The following GSE1 variants were observed in gnomAD, a reference collection of about 807,000 sequenced individuals.
GSE1 encodes genetic suppressor element 1.
In GSE1, 32 loss-of-function variants were observed where a neutral mutation model predicts 112.6. The ratio of observed to expected loss-of-function variants is 0.28; its 90% CI spans 0.21 to 0.38. GSE1 has a LOEUF of 0.38. Ranked by LOEUF, GSE1 falls within the 10% of genes least tolerant of loss-of-function variation. GSE1 has a pLI of 1.00. For synonymous variants in GSE1, 1,115 were observed against 735.6 expected, an observed-to-expected ratio of 1.52 and a Z score of -8.35; for missense variants, 2,348 against 1,699.2, an observed-to-expected ratio of 1.38 and a Z score of -6.71.
At chr16:85,279,069 C>T (rs2044777155) in intron 1 of GSE1, 1 of 152,274 alleles carries the variant, frequency 6.6e-6, no homozygotes, top group Admixed American at 6.5e-5. Context: ...GGGACATCAA[C>T]CTCAACACCA....
At chr16:85,590,250 C>T (rs979211497) in intron 1 of GSE1, among the ~76,000 whole-genome samples, 16 of 149,826 alleles carry the variant, frequency 1.1e-4, no homozygotes, top group Non-Finnish European at 1.6e-4. Flanking sequence ...ACGTGTGGGC[C>T]CGCGTGTGAA....
At chr16:85,392,982 G>T (rs115793883) in intron 2 of GSE1, among the ~76,000 whole-genome samples, 5,496 of 152,282 alleles carry the variant, frequency 0.036, 351 homozygotes, top group African/African-American at 0.13. Context: ...CTTTGGGCTC[G>T]GCCTCCTCCC....
intron 1 of GSE1, among the ~76,000 whole-genome samples, chr16:85,588,887 G>A (rs2046833722): frequency 6.6e-6 from 1 of 152,122 alleles, no homozygotes; most frequent in Non-Finnish European, 1.5e-5. Flanking sequence ...GGGGGCAGCT[G>A]TGCGCACAGC....
At chr16:85,361,607 C>T (rs1246855428) in intron 2 of GSE1, among the ~76,000 whole-genome samples, 2 of 152,188 alleles carry the variant, frequency 1.3e-5, no homozygotes, top group Non-Finnish European at 2.9e-5. Context: ...GGGCAGGTGG[C>T]GCGACTGTAA....
At position 85,413,112 on chromosome 16, in the gene GSE1, G is replaced by A. The variant is rs369198097; in HGVS notation, c.2464+55469G>A. On this transcript the variant is annotated intron_variant, in intron 2 of 2. Transcript: ENST00000637419. ...CTTGTCTCTTGGCTGTTTCCAGGCC[G>A]AGCGCCCTTTTCCATTTTGAAGCCT... 3.3e-5 allele frequency among the ~76,000 whole-genome samples: 5 copies of A among 152,286 alleles called. No individual in the cohort carries two copies. In the South Asian group the frequency reaches 6.2e-4, roughly 19 times the overall value.
chr16:85,296,535 A>T (rs1349127724), intron 1 of GSE1, among the ~76,000 whole-genome samples: 1 of 152,202 alleles, frequency 6.6e-6, no homozygotes, highest in Non-Finnish European at 1.5e-5. Context: ...TGAGCCCAGG[A>T]GGTGGAGGTT....
At position 85,618,219 on chromosome 16, in the gene GSE1, C is replaced by T. The variant is rs149027554; in HGVS notation, c.7+4821C>T. ...GGACTGAGGTGGCGTGAGGGGGGTG[C>T]GTGCTAATGGTGACATAGATCCTTC... is the stretch of plus-strand genomic sequence containing the variant. On this transcript the variant is annotated intron_variant, in intron 1 of 15. Coordinates refer to ENST00000253458, the MANE Select transcript of GSE1 (RefSeq NM_014615.5). Among the ~76,000 whole-genome samples the T allele has an allele frequency of 5.3e-5, 8 of 152,090 alleles. No individual in the cohort carries two copies. The East Asian group carries it at 7.7e-4, about 15-fold the overall frequency.
At chr16:85,371,964 G>T (rs962545092) in intron 2 of GSE1, among the ~76,000 whole-genome samples, 2 of 152,232 alleles carry the variant, frequency 1.3e-5, no homozygotes, top group Non-Finnish European at 2.9e-5. Flanking sequence ...GGCAGAGAGG[G>T]AGAGGAAGCG....
At chr16:85,322,361 C>G (rs16975522) in intron 1 of GSE1, among the ~76,000 whole-genome samples, 2,437 of 152,232 alleles carry the variant, frequency 0.016, 69 homozygotes, top group African/African-American at 0.055. Context: ...TGAGAACTCC[C>G]GGAGGCTTCT....
chr16:85,219,754 C>A (rs2075361082), intron 1 of GSE1, among the ~76,000 whole-genome samples: 1 of 152,246 alleles, frequency 6.6e-6, no homozygotes, highest in African/African-American at 2.4e-5. Context: ...CTCCTTCCCC[C>A]TTCTGCAAGC....
intron 2 of GSE1, among the ~76,000 whole-genome samples, chr16:85,369,057 T>C (rs377739514): frequency 2.6e-5 from 4 of 152,298 alleles, no homozygotes; most frequent in South Asian, 2.1e-4. Context: ...GCTTGTTCCC[T>C]TACAGTTCTG....
At chr16:85,388,256 ATGTATGGC>A (rs2047738460) in intron 2 of GSE1, among the ~76,000 whole-genome samples, 1 of 135,490 alleles carries the variant, frequency 7.4e-6, no homozygotes, top group Non-Finnish European at 1.6e-5. Context: ...GGATGAATGG[ATGTATGGC>A]TGGATGGATG....
At chr16:85,290,402 C>A (rs2045173882) in intron 1 of GSE1, among the ~76,000 whole-genome samples, 1 of 152,192 alleles carries the variant, frequency 6.6e-6, no homozygotes, top group Non-Finnish European at 1.5e-5. Flanking sequence ...GTACTGATCC[C>A]ATCAAATGAC....
chr16:85,656,640 G>A lies in GSE1; in HGVS notation c.1287G>A (p.Ser429=), dbSNP rs765549016. The A allele has an allele frequency of 2.2e-5, 33 of 1,531,918 alleles. No homozygotes were observed. Among genetic ancestry groups the A allele is most frequent in the South Asian group, 7.3e-5 (6 of 82,666 alleles). The allele number at this position is 1,531,918 out of a possible 1,614,324, so 94.9% of individuals were successfully genotyped here. The change falls in exon 7 of 16, where the codon TCG becomes TCA. Residue 429 remains serine, a synonymous_variant. Coordinates refer to ENST00000253458, the MANE Select transcript of GSE1 (RefSeq NM_014615.5). ...GHATEERGKP[S]EQLTPTRAEK... is the part of the protein sequence containing the mutation. ...CCACTGAGGAGCGGGGCAAGCCCTC[G>A]GAGCAGCTGACCCCAACCCGAGCAG... is the stretch of plus-strand genomic sequence containing the variant.
intron 2 of GSE1, among the ~76,000 whole-genome samples, chr16:85,550,121 C>T (rs536174655): frequency 4.6e-5 from 7 of 152,280 alleles, no homozygotes; most frequent in African/African-American, 1.7e-4. Flanking sequence ...CCTCATTTTC[C>T]AGGTAAGGAA....
chr16:85,290,452 G>A (rs1042738463), intron 1 of GSE1, among the ~76,000 whole-genome samples: 2 of 152,110 alleles, frequency 1.3e-5, no homozygotes, highest in Admixed American at 1.3e-4. Context: ...ATAGACACTA[G>A]GCCTCTAGGG....
At chr16:85,236,051 T>TGGGGCTGGTGCC in intron 1 of GSE1, among the ~76,000 whole-genome samples, 1 of 152,080 alleles carries the variant, frequency 6.6e-6, no homozygotes, top group African/African-American at 2.4e-5. Flanking sequence ...GGGCTGGGGC[T>TGGGGCTGGTGCC]GGTGCCGCCC....
chr16:85,331,323 C>CTG (rs71151278), intron 1 of GSE1, among the ~76,000 whole-genome samples: 1,194 of 84,488 alleles, frequency 0.014, 75 homozygotes, highest in African/African-American at 0.026. Context: ...CAGCTAATTT[C>CTG]TGTGTGTGTG....
intron 3 of GSE1, among the ~76,000 whole-genome samples, chr16:85,650,140 G>A (rs2051212075): frequency 6.6e-6 from 1 of 152,212 alleles, no homozygotes; most frequent in Non-Finnish European, 1.5e-5. Flanking sequence ...AGACCGAGGG[G>A]CAGGGCGTGG....
Sources: gnomAD v4.1 joint callset for allele counts (sites outside exome capture counted in the v4.1 genomes callset) on GRCh38, gnomAD v4.1.1 for gene constraint, MANE v1.5 for transcripts, NCBI Gene and HGNC (gene_info 2026-07-23, HGNC 2026-07-21) for gene names.